DBT: variants seen among roughly 807,000 people sequenced by gnomAD.
DBT encodes the protein lipoamide acyltransferase component of branched-chain alpha-keto acid dehydrogenase complex, mitochondrial.
DBT carries 40 observed loss-of-function variants against 51.3 expected under a neutral mutation model. The ratio of observed to expected loss-of-function variants is 0.78; its 90% confidence interval spans 0.61 to 1.02. The LOEUF (loss-of-function observed/expected upper bound fraction) is 1.02, where lower values mean the gene tolerates loss of function less well. Among genes scored for constraint, DBT ranks in the 50% least tolerant of loss-of-function variants. The pLI is 0.00. For missense variants in DBT, 510 were observed against 580.2 expected (o/e 0.88, Z 1.24); for synonymous variants, 181 against 190.4 (o/e 0.95, Z 0.41).
At chr1:100,224,442 G>A (rs1330016740) in intron 4 of DBT, among the ~76,000 whole-genome samples, 1 of 151,922 alleles carries the variant, frequency 6.6e-6, no homozygotes, top group Non-Finnish European at 1.5e-5. Flanking sequence ...TGATACATGG[G>A]CTTATGCTTC....
Position 100,196,173 on chromosome 1 carries a change from G to A in DBT, c.*82C>T, listed in dbSNP as rs539522538. The A allele has an allele frequency of 4.2e-5, 48 of 1,155,992 alleles. No individual in the cohort carries two copies. The highest frequency in any genetic ancestry group is 5.7e-5 in the Non-Finnish European group (44 of 766,110). The allele number at this position is 1,155,992 out of a possible 1,614,324, so 71.6% of individuals were successfully genotyped here. Reference sequence around the variant, plus strand: ...ATACAAATCATTTACAATATAAATTGTAAAGATGAACATGTGCTGGCACAG... The same window carrying A: ...ATACAAATCATTTACAATATAAATTATAAAGATGAACATGTGCTGGCACAG... On this transcript the variant is annotated 3_prime_UTR_variant, in exon 11 of 11. Coordinates refer to ENST00000370132, the MANE Select transcript of DBT (RefSeq NM_001918.5).
chr1:100,225,052 T>TATACAC lies in DBT; in HGVS notation c.433+5680_433+5681insGTGTAT, dbSNP rs1185819980. ...AAAAAAAAAAAAAAAAATATATATA[T>TATACAC]ACACACACACACACACACACACACA... On this transcript the variant is annotated intron_variant, in intron 4 of 10. Coordinates refer to ENST00000370132, the MANE Select transcript of DBT (RefSeq NM_001918.5). Among the ~76,000 whole-genome samples, 255 of 79,044 alleles carry TATACAC rather than the reference T, an allele frequency of 3.2e-3. 15 individuals are homozygous for TATACAC. Among genetic ancestry groups the TATACAC allele is most frequent in the African/African-American group, 0.012 (246 of 19,922 alleles). 51.9% of individuals were successfully genotyped at this position (79,044 alleles called of 152,430 possible).
chr1:100,229,619 A>T (rs1319609061), intron 4 of DBT, among the ~76,000 whole-genome samples: 1 of 152,242 alleles, frequency 6.6e-6, no homozygotes, highest in African/African-American at 2.4e-5. Context: ...TGTAGAACTA[A>T]GTGTCAGCCA....
Position 100,196,319 on chromosome 1 carries a change from C to G in DBT, c.1385G>C (p.Arg462Pro), listed in dbSNP as rs750594890. 3.1e-6 allele frequency: 5 copies of G among 1,610,442 alleles called. No homozygotes were observed. The Admixed American group carries it at 8.4e-5, about 27-fold the overall frequency. ...ATAGGATTTCCACAAATTGGAGAAG[C>G]GTGACATTGTAGCACCATCAATAAC... ...HRVIDGATMS[R>P]FSNLWKSYLE... The change falls in exon 11 of 11, where the codon CGC becomes CCC. Residue 462 changes from arginine to proline, a missense_variant. By Grantham distance (103) the Arg-to-Pro change is moderately radical (BLOSUM62 -2). Coordinates refer to ENST00000370132, the MANE Select transcript of DBT (RefSeq NM_001918.5).
intron 1 of DBT, among the ~76,000 whole-genome samples, chr1:100,242,703 T>C (rs1664294205): frequency 6.6e-6 from 1 of 152,230 alleles, no homozygotes; most frequent in South Asian, 2.1e-4. Flanking sequence ...ATCCTGACTC[T>C]TGGTCAACAA....
chr1:100,226,434 C>T (rs899577583), intron 4 of DBT, among the ~76,000 whole-genome samples: 5 of 151,786 alleles, frequency 3.3e-5, no homozygotes, highest in African/African-American at 1.2e-4. Flanking sequence ...CAGGTGCACG[C>T]CACCACACCT....
chr1:100,196,561 C>T, intron 10 of DBT, 139 bp from the exon 11 acceptor site: 3 of 1,320,184 alleles, frequency 2.3e-6, no homozygotes, highest in East Asian at 2.5e-5. Context: ...AAATGGGCAT[C>T]CCCAATGACT....
intron 4 of DBT, among the ~76,000 whole-genome samples, 183 bp from the exon 5 acceptor site, chr1:100,218,930 AGT>A (rs1293601865): frequency 3.7e-5 from 1 of 26,776 alleles, no homozygotes; most frequent in Admixed American, 5.0e-4. Flanking sequence ...GTATGGGTAG[AGT>A]GGGGGGGGGG....
intron 5 of DBT, among the ~76,000 whole-genome samples, chr1:100,218,067 GTCAA>G (rs1270189355): frequency 6.6e-6 from 1 of 152,182 alleles, no homozygotes; most frequent in African/African-American, 2.4e-5. Context: ...CTTCCATTCA[GTCAA>G]TGACTGGCAG....
At chr1:100,233,824 GA>G (rs1663696195) in intron 3 of DBT, among the ~76,000 whole-genome samples, 2 of 152,192 alleles carry the variant, frequency 1.3e-5, no homozygotes, top group African/African-American at 4.8e-5. Context: ...AGGTAGAGGA[GA>G]ACAAAGGAAG....
intron 5 of DBT, among the ~76,000 whole-genome samples, chr1:100,216,809 G>A (rs1662522820): frequency 1.3e-5 from 2 of 152,152 alleles, no homozygotes; most frequent in Admixed American, 1.3e-4. Context: ...TTTTCTGGTA[G>A]TTGCTTTGGA....
Position 100,215,976 on chromosome 1 carries a change from T to A in DBT, c.772+7A>T, listed in dbSNP as rs904010521. The A allele has an allele frequency of 2.7e-6, 4 of 1,495,364 alleles. No individual in the cohort carries two copies. The highest frequency in any genetic ancestry group is 3.7e-6 in the Non-Finnish European group (4 of 1,071,994). 92.6% of individuals were successfully genotyped at this position (1,495,364 alleles called of 1,614,324 possible). On this transcript the variant is annotated splice_region_variant and intron_variant, in intron 6 of 10. Transcript: ENST00000370132. The stretch of plus-strand genomic sequence containing the variant: ...TTGCCTTATAGTATTGTTATTATTA[T>A]CATTACCTTTTATGGGTTCTGTTTT...
chr1:100,195,851 G>A lies in DBT; in HGVS notation c.*404C>T. Reference sequence around the variant, plus strand: ...GGCTAATTTTTGTATTTTTAGTAGAGGCCAGGTTTCACCATGTTGGCCAGG... The same window carrying A: ...GGCTAATTTTTGTATTTTTAGTAGAAGCCAGGTTTCACCATGTTGGCCAGG... On this transcript the variant is annotated 3_prime_UTR_variant, in exon 11 of 11. Transcript: ENST00000370132. 1 of 223,092 alleles carries A rather than the reference G, an allele frequency of 4.5e-6. No individual in the cohort carries two copies. Among genetic ancestry groups the A allele is most frequent in the Non-Finnish European group, 9.0e-6 (1 of 111,226 alleles). The allele number at this position is 223,092 out of a possible 1,614,324, so 13.8% of individuals were successfully genotyped here.
At position 100,191,255 on chromosome 1, in the gene DBT, T is replaced by C. The variant is rs759070368; in HGVS notation, c.*5000A>G. 15 of 152,210 alleles carry C rather than the reference T, an allele frequency of 9.9e-5. No individual in the cohort carries two copies. The highest frequency in any genetic ancestry group is 2.2e-4 in the Non-Finnish European group (15 of 68,048). 9.4% of individuals were successfully genotyped at this position (152,210 alleles called of 1,614,324 possible). On this transcript the variant is annotated 3_prime_UTR_variant, in exon 11 of 11. Coordinates refer to ENST00000370132, the MANE Select transcript of DBT (RefSeq NM_001918.5). ...CATCAGTTGAACTGTCAGCATAACA[T>C]GAAGTTTGAGAGTAGAATTATTTCT...
chr1:100,223,437 T>C lies in DBT; in HGVS notation c.434-4690A>G, dbSNP rs115083907. On this transcript the variant is annotated intron_variant, in intron 4 of 10. Coordinates refer to ENST00000370132, the MANE Select transcript of DBT (RefSeq NM_001918.5). ...AGTAGCCAGGACTACAGGGGTGTAC[T>C]ACCACCCGTCTAACTTTTTTGTTTG... 8.4e-3 allele frequency among the ~76,000 whole-genome samples: 1,276 copies of C among 152,284 alleles called. 11 individuals carry two copies. The highest frequency in any genetic ancestry group is 0.013 in the Non-Finnish European group (904 of 68,012).
chr1:100,217,420 T>C (rs1324740632), intron 5 of DBT, among the ~76,000 whole-genome samples: 1 of 152,330 alleles, frequency 6.6e-6, no homozygotes, highest in Non-Finnish European at 1.5e-5. Context: ...AAGGGTTACA[T>C]AACATTTTAT....
chr1:100,197,797 G>A (rs1228308599), intron 10 of DBT, among the ~76,000 whole-genome samples: 1 of 152,166 alleles, frequency 6.6e-6, no homozygotes. Context: ...AACGAATACT[G>A]AGAATTGAGT....
intron 10 of DBT, chr1:100,196,770 C>T (rs971720695): frequency 4.3e-6 from 1 of 230,160 alleles, no homozygotes; most frequent in East Asian, 1.0e-4. Context: ...TGGGGAGAGA[C>T]AGACAATTAA....
chr1:100,239,984 G>A (rs1327938975), intron 2 of DBT, among the ~76,000 whole-genome samples: 4 of 151,444 alleles, frequency 2.6e-5, no homozygotes, highest in African/African-American at 9.8e-5. Flanking sequence ...ACTTAATAGT[G>A]TAACAAAAGT....
Sources: allele counts gnomAD v4.1 joint callset (sites outside exome capture counted in the v4.1 genomes callset), GRCh38; gene constraint gnomAD v4.1.1; transcripts MANE v1.5; gene names NCBI Gene and HGNC (gene_info 2026-07-23, HGNC 2026-07-21).